The following CPXM2 variants were observed in gnomAD, a reference collection of about 807,000 sequenced individuals.
CPXM2 encodes inactive carboxypeptidase-like protein X2.
CPXM2 carries 66 observed loss-of-function variants against 86.1 expected under a neutral mutation model. The ratio of observed to expected loss-of-function variants is 0.77; its 90% CI spans 0.63 to 0.94. CPXM2 has a LOEUF of 0.94. Among genes scored for constraint, CPXM2 ranks in the 40% least tolerant of loss-of-function variants. The pLI is 0.00. For missense variants in CPXM2, 948 were observed against 1,026.3 expected (o/e 0.92, Z 1.04); for synonymous variants, 388 against 400.2 (o/e 0.97, Z 0.36).
chr10:123,857,556 G>A (rs1165489978), intron 3 of CPXM2, among the ~76,000 whole-genome samples: 5 of 132,602 alleles, frequency 3.8e-5, no homozygotes, highest in Non-Finnish European at 6.6e-5. Flanking sequence ...GGAAGGCGGC[G>A]TGGAGATGGA....
chr10:123,838,772 G>A (rs1178625798), intron 4 of CPXM2, among the ~76,000 whole-genome samples: 1 of 152,144 alleles, frequency 6.6e-6, no homozygotes, highest in Non-Finnish European at 1.5e-5. Context: ...ACTTCTGCCT[G>A]CGACCCTGCA....
intron 6 of CPXM2, among the ~76,000 whole-genome samples, chr10:123,794,942 G>C (rs1167167369): frequency 6.6e-6 from 1 of 152,088 alleles, no homozygotes; most frequent in Non-Finnish European, 1.5e-5. Flanking sequence ...GATAATTTTT[G>C]TATTTTTAGT....
intron 3 of CPXM2, among the ~76,000 whole-genome samples, chr10:123,856,977 G>A (rs536170064): frequency 6.6e-6 from 1 of 152,162 alleles, no homozygotes; most frequent in African/African-American, 2.4e-5. Flanking sequence ...GTTGCTCCCA[G>A]AATGGAAGAA....
chr10:123,839,917 C>T (rs1480190828), intron 4 of CPXM2, among the ~76,000 whole-genome samples: 1 of 152,282 alleles, frequency 6.6e-6, no homozygotes, highest in African/African-American at 2.4e-5. Flanking sequence ...TAAAGTAATT[C>T]TATCCCTTGC....
intron 2 of CPXM2, among the ~76,000 whole-genome samples, chr10:123,864,406 C>T (rs1327327125): frequency 6.6e-6 from 1 of 152,170 alleles, no homozygotes; most frequent in African/African-American, 2.4e-5. Flanking sequence ...GGTTTCAGAC[C>T]CTGATGGGGA....
rs1398055950 is a variant in CPXM2 at position 123,797,975 on chromosome 10, C to T, written c.889+1G>A. On this transcript the variant is annotated splice_donor_variant, in intron 6 of 13. Coordinates refer to ENST00000241305, the MANE Select transcript of CPXM2 (RefSeq NM_198148.3). LOFTEE classifies it high-confidence loss of function. ...CAGGAAGCACAGGAGGGTGAACTCACCTGGCAGTGGGCAGCCCAGGATCTC... is the reference window on the plus strand; with the variant it reads ...CAGGAAGCACAGGAGGGTGAACTCATCTGGCAGTGGGCAGCCCAGGATCTC... 4.4e-6 allele frequency: 7 copies of T among 1,597,074 alleles called. No individual in the cohort carries two copies. Among genetic ancestry groups the T allele is most frequent in the African/African-American group, 1.3e-5 (1 of 74,090 alleles).
upstream of CPXM2, among the ~76,000 whole-genome samples, chr10:123,940,988 A>G (rs553182978): frequency 1.1e-4 from 16 of 151,866 alleles, no homozygotes; most frequent in East Asian, 1.8e-3. Context: ...TGGCTAACAC[A>G]GTGAAAGCCC....
intron 3 of CPXM2, among the ~76,000 whole-genome samples, chr10:123,858,322 T>C (rs972843911): frequency 1.3e-5 from 2 of 152,164 alleles, no homozygotes; most frequent in Non-Finnish European, 2.9e-5. Context: ...TCACACAGGG[T>C]GGGGAATACC....
intron 2 of CPXM2, chr10:123,913,599 A>C (rs940752486): frequency 5.9e-6 from 1 of 170,102 alleles, no homozygotes; most frequent in South Asian, 1.4e-4. Context: ...TTTTAAATAA[A>C]TAGATGAGGA....
intron 1 of CPXM2, among the ~76,000 whole-genome samples, chr10:123,889,949 T>C (rs7090117): frequency 0.13 from 19,688 of 152,024 alleles, 1,466 homozygotes; most frequent in African/African-American, 0.2. Flanking sequence ...TGCATGTGGA[T>C]TTGATTCAAA....
chr10:123,873,520 T>G (rs1243794245), intron 2 of CPXM2, among the ~76,000 whole-genome samples: 1 of 152,202 alleles, frequency 6.6e-6, no homozygotes, highest in African/African-American at 2.4e-5. Flanking sequence ...GACTACATGA[T>G]GTAAATGTGT....
rs79351916 is a variant in CPXM2, at chr10:123,864,540, C to T, written c.404-1817G>A. 2.2e-3 allele frequency among the ~76,000 whole-genome samples: 331 copies of T among 152,302 alleles called. 1 individual carries two copies. Among genetic ancestry groups the T allele is most frequent in the Admixed American group, 5.3e-3 (81 of 15,302 alleles). On this transcript the variant is annotated intron_variant, in intron 2 of 13. Transcript: ENST00000241305. ...CCATCTTATGAACCTATTTCACTGCCGTGTTGAAGGCCTTCCAACCACCAG... is the reference window on the plus strand; with the variant it reads ...CCATCTTATGAACCTATTTCACTGCTGTGTTGAAGGCCTTCCAACCACCAG...
chr10:123,850,955 T>C (rs1848586833), intron 3 of CPXM2, among the ~76,000 whole-genome samples: 1 of 152,236 alleles, frequency 6.6e-6, no homozygotes, highest in Non-Finnish European at 1.5e-5. Flanking sequence ...TGTGCTACTT[T>C]ACATTCCCAG....
chr10:123,784,881 G>A (rs1219715), intron 6 of CPXM2, among the ~76,000 whole-genome samples: 46,478 of 152,062 alleles, frequency 0.31, 7,486 homozygotes, highest in East Asian at 0.5. Context: ...ACATAAGGCC[G>A]ATTCATACTG....
intron 4 of CPXM2, among the ~76,000 whole-genome samples, chr10:123,831,315 T>C (rs1240485228): frequency 6.6e-6 from 1 of 152,098 alleles, no homozygotes; most frequent in Non-Finnish European, 1.5e-5. Context: ...AAAGAACTCA[T>C]AAGAATCCTA....
chr10:123,856,288 G>A (rs1032389168), intron 3 of CPXM2, among the ~76,000 whole-genome samples: 11 of 152,344 alleles, frequency 7.2e-5, no homozygotes, highest in African/African-American at 2.2e-4. Context: ...TGAGAATGAG[G>A]TTGAAAGCCA....
chr10:123,913,313 C>G (rs1218896423), intron 2 of CPXM2, among the ~76,000 whole-genome samples: 1 of 152,182 alleles, frequency 6.6e-6, no homozygotes, highest in Non-Finnish European at 1.5e-5. Context: ...TGCGGAGTCT[C>G]AGGATAAACT....
chr10:123,767,535 T>A (rs1405603840), intron 9 of CPXM2, among the ~76,000 whole-genome samples: 2 of 152,198 alleles, frequency 1.3e-5, no homozygotes, highest in Admixed American at 6.5e-5. Context: ...CCCATGATTC[T>A]GGCTCACTAT....
At chr10:123,882,626 G>C (rs1945110301) in intron 1 of CPXM2, among the ~76,000 whole-genome samples, 2 of 152,180 alleles carry the variant, frequency 1.3e-5, no homozygotes, top group African/African-American at 4.8e-5. Context: ...CCCAGAAAAT[G>C]GTGTTCACGA....
Sources: gnomAD v4.1 joint callset for allele counts (sites outside exome capture counted in the v4.1 genomes callset) on GRCh38, gnomAD v4.1.1 for gene constraint, MANE v1.5 for transcripts, NCBI Gene and HGNC (gene_info 2026-07-23, HGNC 2026-07-21) for gene names.